DPY19L4: variants seen among roughly 807,000 people sequenced by gnomAD.
DPY19L4 encodes the protein dpy-19 like 4.
DPY19L4 carries 97 observed loss-of-function variants against 102.8 expected under a neutral mutation model. The ratio of observed to expected loss-of-function variants is 0.94; its 90% CI spans 0.80 to 1.12. The LOEUF (loss-of-function observed/expected upper bound fraction) is 1.12, where lower values mean the gene tolerates loss of function less well. Among genes scored for constraint, DPY19L4 ranks in the 50% most tolerant of loss-of-function variants. DPY19L4 has a pLI of 0.00. For missense variants in DPY19L4, 815 were observed against 850.4 expected (o/e 0.96, Z 0.52); for synonymous variants, 252 against 283.1 (o/e 0.89, Z 1.10).
At chr8:94,720,291 T>C (rs1810401487) in intron 1 of DPY19L4, 1 of 982,138 alleles carries the variant, frequency 1.0e-6, no homozygotes. Context: ...CCGGGAGTGG[T>C]TGGGAAAGAG....
intron 6 of DPY19L4, among the ~76,000 whole-genome samples, chr8:94,754,851 C>T (rs1358350281): frequency 1.3e-5 from 2 of 152,126 alleles, no homozygotes; most frequent in South Asian, 2.1e-4. Flanking sequence ...TGCAGTGGTG[C>T]GATCTCTGCT....
rs191426715 is a variant in DPY19L4, at chr8:94,791,081, T to C, written c.*1171T>C. 1.1e-4 allele frequency: 17 copies of C among 152,282 alleles called. No individual in the cohort carries two copies. Among genetic ancestry groups the C allele is most frequent in the African/African-American group, 3.8e-4 (16 of 41,580 alleles). The allele number at this position is 152,282 out of a possible 1,614,324, so 9.4% of individuals were successfully genotyped here. A position where few individuals can be genotyped will look rare whatever the true frequency, so the allele number is the denominator to read the frequency against. On this transcript the variant is annotated 3_prime_UTR_variant, in exon 19 of 19. Transcript: ENST00000414645. ...ATTCAGGATAGATGTAGCCTATAGA[T>C]GTGTCATTTTAATAAGTTGGGATAC... is the stretch of plus-strand genomic sequence containing the variant.
At chr8:94,726,746 A>G (rs1810706827) in intron 2 of DPY19L4, among the ~76,000 whole-genome samples, 1 of 152,114 alleles carries the variant, frequency 6.6e-6, no homozygotes, top group South Asian at 2.1e-4. Context: ...ATGTCTCTTA[A>G]AGTTTCTGCT....
At chr8:94,726,248 A>G (rs1409319006) in intron 1 of DPY19L4, 83 bp from the exon 2 acceptor site, 6 of 1,134,150 alleles carry the variant, frequency 5.3e-6, no homozygotes, top group Non-Finnish European at 7.3e-6. Context: ...CTTTTGCTTT[A>G]GAATAATAAA....
At chr8:94,762,351 G>A (rs1812429237) in intron 8 of DPY19L4, among the ~76,000 whole-genome samples, 1 of 152,096 alleles carries the variant, frequency 6.6e-6, no homozygotes, top group Non-Finnish European at 1.5e-5. Context: ...GCTCTGTTGG[G>A]GTGAAGAAGC....
At chr8:94,756,948 C>T (rs1318773227) in intron 7 of DPY19L4, among the ~76,000 whole-genome samples, 1 of 152,186 alleles carries the variant, frequency 6.6e-6, no homozygotes. Flanking sequence ...TCCCTTGAAC[C>T]TGGGAGGCGG....
At chr8:94,730,516 T>C (rs1375370303) in intron 2 of DPY19L4, among the ~76,000 whole-genome samples, 6 of 151,104 alleles carry the variant, frequency 4.0e-5, no homozygotes, top group Middle Eastern at 6.9e-3. Context: ...GAGGCTGAGG[T>C]GGGGGGATCA....
intron 11 of DPY19L4, among the ~76,000 whole-genome samples, chr8:94,767,538 C>T (rs796443209): frequency 2.6e-5 from 4 of 152,120 alleles, no homozygotes; most frequent in South Asian, 2.1e-4. Flanking sequence ...GTGATCTGCC[C>T]GCCTCGGCCT....
chr8:94,782,966 T>G (rs1362472258), intron 16 of DPY19L4, among the ~76,000 whole-genome samples: 2 of 152,260 alleles, frequency 1.3e-5, no homozygotes, highest in Admixed American at 6.5e-5. Context: ...GTGTTTTGTA[T>G]CTGTTTCCTC....
intron 6 of DPY19L4, among the ~76,000 whole-genome samples, chr8:94,750,810 T>C (rs1811885621): frequency 6.6e-6 from 1 of 150,690 alleles, no homozygotes; most frequent in African/African-American, 2.5e-5. Flanking sequence ...TGAGACAGGA[T>C]CTCACTCTGT....
chr8:94,731,055 C>CAAAAAA (rs57246749), intron 2 of DPY19L4, among the ~76,000 whole-genome samples: 1 of 103,264 alleles, frequency 9.7e-6, no homozygotes, highest in Admixed American at 1.0e-4. Flanking sequence ...AACTCTGTCT[C>CAAAAAA]AAAAAAAAAA....
chr8:94,744,650 T>C (rs1811592902), intron 6 of DPY19L4: 1 of 445,416 alleles, frequency 2.2e-6, no homozygotes. Flanking sequence ...GAGGAAAAGA[T>C]ACTTTCTCAT....
At chr8:94,777,585 G>A (rs1307442060) in intron 13 of DPY19L4, 81 bp from the exon 14 acceptor site, 14 of 1,503,074 alleles carry the variant, frequency 9.3e-6, no homozygotes, top group Non-Finnish European at 1.3e-5. Flanking sequence ...GTGAGTAGTA[G>A]GAAAGAGCTC....
chr8:94,751,737 G>A (rs1563590246), intron 6 of DPY19L4, among the ~76,000 whole-genome samples: 1 of 152,044 alleles, frequency 6.6e-6, no homozygotes, highest in Non-Finnish European at 1.5e-5. Context: ...CGATTCAGAC[G>A]CCTCAGCCTC....
chr8:94,724,534 A>G (rs572638683), intron 1 of DPY19L4, among the ~76,000 whole-genome samples: 88 of 152,288 alleles, frequency 5.8e-4, no homozygotes, highest in East Asian at 7.7e-4. Flanking sequence ...ATATACAGAA[A>G]TACTCAAAGT....
intron 6 of DPY19L4, 149 bp from the exon 7 acceptor site, chr8:94,755,884 CAAA>C: frequency 6.4e-6 from 4 of 622,904 alleles, no homozygotes; most frequent in Non-Finnish European, 9.6e-6. Flanking sequence ...GACTCCATCT[CAAA>C]AAAAAAAAGG....
At position 94,719,910 on chromosome 8, in the gene DPY19L4, C is replaced by A; in HGVS notation, c.-89C>A. 3 of 1,391,452 alleles carry A rather than the reference C, an allele frequency of 2.2e-6. 1 individual carries two copies. In the South Asian group the frequency reaches 4.7e-5, roughly 22 times the overall value. 86.2% of individuals were successfully genotyped at this position (1,391,452 alleles called of 1,614,324 possible). ...GGGGGCGCGGCGGCCAGGAGCGGGC[C>A]CCCGGAGGCCGAGGGGTTCGGCGAC... On this transcript the variant is annotated 5_prime_UTR_variant, in exon 1 of 19. Transcript: ENST00000414645.
At chr8:94,722,828 A>G (rs1276693682) in intron 1 of DPY19L4, among the ~76,000 whole-genome samples, 2 of 152,258 alleles carry the variant, frequency 1.3e-5, no homozygotes, top group East Asian at 1.9e-4. Context: ...CTTGCTTACC[A>G]TTCACATTCA....
chr8:94,733,463 A>C (rs1193678760), intron 2 of DPY19L4, among the ~76,000 whole-genome samples: 3 of 152,072 alleles, frequency 2.0e-5, no homozygotes, highest in Admixed American at 2.0e-4. Context: ...CTATTGTGTT[A>C]AGTATATTTA....
Sources: allele counts gnomAD v4.1 joint callset (sites outside exome capture counted in the v4.1 genomes callset), GRCh38; gene constraint gnomAD v4.1.1; transcripts MANE v1.5; gene names NCBI Gene and HGNC (gene_info 2026-07-23, HGNC 2026-07-21).